XRCC4: variants seen among roughly 807,000 people sequenced by gnomAD.
XRCC4 encodes X-ray repair cross complementing 4, also known as DNA repair protein XRCC4.
A neutral mutation model predicts 39.1 loss-of-function variants in XRCC4; 28 were observed. The ratio of observed to expected loss-of-function variants is 0.72; its 90% confidence interval spans 0.53 to 0.98. The LOEUF (loss-of-function observed/expected upper bound fraction) is 0.98, where lower values mean the gene tolerates loss of function less well. XRCC4 is among the 50% of genes least tolerant of loss of function. The pLI is 0.00. For missense variants in XRCC4, 350 were observed against 376.4 expected (o/e 0.93, Z 0.58); for synonymous variants, 123 against 126.4 (o/e 0.97, Z 0.18).
At chr5:83,354,228 C>T (rs1474014193), downstream of XRCC4, among the ~76,000 whole-genome samples, 2 of 152,198 alleles carry the variant, frequency 1.3e-5, no homozygotes, top group Non-Finnish European at 2.9e-5. Flanking sequence ...TTTGCAATAG[C>T]ATATGCTCTT....
intron 1 of XRCC4, among the ~76,000 whole-genome samples, chr5:83,085,748 T>C (rs945717994): frequency 6.6e-6 from 1 of 152,202 alleles, no homozygotes; most frequent in African/African-American, 2.4e-5. Context: ...TATACTCTGA[T>C]AACTTCTTAA....
Position 83,126,454 on chromosome 5 carries a change from T to C in XRCC4, c.315+15251T>C, listed in dbSNP as rs73142158. ...TTTGCTTTTAAGATTCTTTGAGAAT[T>C]TTTTCTGTAAACAGTGATGTTATCT... On this transcript the variant is annotated intron_variant, in intron 3 of 7. Coordinates refer to ENST00000396027, the MANE Select transcript of XRCC4 (RefSeq NM_003401.5). 8.4e-3 allele frequency among the ~76,000 whole-genome samples: 1,283 copies of C among 152,268 alleles called. 17 individuals carry two copies. The highest frequency in any genetic ancestry group is 0.03 in the African/African-American group (1,234 of 41,542).
chr5:83,350,700 TC>T (rs1338455593), intron 7 of XRCC4, among the ~76,000 whole-genome samples: 3 of 152,190 alleles, frequency 2.0e-5, no homozygotes, highest in African/African-American at 7.2e-5. Context: ...GGATATTTTC[TC>T]CTATTCTGTA....
At chr5:83,323,827 G>T (rs1052880105) in intron 7 of XRCC4, among the ~76,000 whole-genome samples, 4 of 152,006 alleles carry the variant, frequency 2.6e-5, no homozygotes, top group Non-Finnish European at 4.4e-5. Context: ...AGAGAGAATG[G>T]TAAAGAAAAG....
intron 7 of XRCC4, among the ~76,000 whole-genome samples, chr5:83,278,435 A>G (rs1754411333): frequency 1.3e-5 from 2 of 152,154 alleles, no homozygotes; most frequent in Admixed American, 6.5e-5. Context: ...ATTTATAGAT[A>G]ATAGAAATTT....
rs754386080 is a variant in XRCC4, at chr5:83,162,952, CT to C, written c.316-32806del. On this transcript the variant is annotated intron_variant, in intron 3 of 7. Coordinates refer to ENST00000396027, the MANE Select transcript of XRCC4 (RefSeq NM_003401.5). ...TTTTTTTCTTTTTCTTTCTTTCTTTCTTTTTTTTTTTTGAGACAGAAGAGTC... is the reference window on the plus strand; with the variant it reads ...TTTTTTTCTTTTTCTTTCTTTCTTTCTTTTTTTTTTTGAGACAGAAGAGTC... Among the ~76,000 whole-genome samples, 227 of 125,156 alleles carry C rather than the reference CT, an allele frequency of 1.8e-3. 1 individual carries two copies. The East Asian group carries it at 0.04, about 22-fold the overall frequency. 82.1% of individuals were successfully genotyped at this position (125,156 alleles called of 152,430 possible).
chr5:83,189,962 G>A (rs146473445), intron 3 of XRCC4, among the ~76,000 whole-genome samples: 2,745 of 152,290 alleles, frequency 0.018, 78 homozygotes, highest in African/African-American at 0.063. Flanking sequence ...TACGTGGGAT[G>A]CTGAGGCAGG....
intron 6 of XRCC4, among the ~76,000 whole-genome samples, chr5:83,212,681 G>T (rs551259148): frequency 6.6e-6 from 1 of 151,584 alleles, no homozygotes; most frequent in Non-Finnish European, 1.5e-5. Context: ...TAATCCTAGC[G>T]CTTTGGGAGG....
At chr5:83,316,512 A>G (rs1580503919) in intron 7 of XRCC4, among the ~76,000 whole-genome samples, 1 of 151,038 alleles carries the variant, frequency 6.6e-6, no homozygotes, top group East Asian at 2.0e-4. Context: ...AGAAAGATCT[A>G]CCAAGCCAAT....
the XRCC4 span, among the ~76,000 whole-genome samples, chr5:83,368,691 A>G: frequency 2.5e-4 from 38 of 152,190 alleles, no homozygotes; most frequent in African/African-American, 3.6e-4. Context: ...AGATCCTACG[A>G]TAGTCCTTAA....
chr5:83,336,468 A>G (rs1274631135), intron 7 of XRCC4, among the ~76,000 whole-genome samples: 7 of 152,082 alleles, frequency 4.6e-5, no homozygotes, highest in Non-Finnish European at 1.5e-5. Context: ...ATTGAGGGTA[A>G]TAATTTCCTA....
chr5:83,096,127 A>G (rs774101803), intron 1 of XRCC4, among the ~76,000 whole-genome samples: 3 of 151,874 alleles, frequency 2.0e-5, no homozygotes, highest in African/African-American at 7.3e-5. Context: ...ACTCAGATAT[A>G]TGAGTCTCCC....
At chr5:83,098,324 A>G (rs990231985) in intron 1 of XRCC4, among the ~76,000 whole-genome samples, 3 of 152,156 alleles carry the variant, frequency 2.0e-5, no homozygotes, top group Non-Finnish European at 4.4e-5. Context: ...AGATTATGTT[A>G]GCAGTTATAA....
At chr5:83,197,300 G>A (rs1008807015) in intron 4 of XRCC4, among the ~76,000 whole-genome samples, 1 of 152,010 alleles carries the variant, frequency 6.6e-6, no homozygotes, top group Non-Finnish European at 1.5e-5. Context: ...TCTGTAGCTT[G>A]GGTGTATTTT....
chr5:83,346,693 G>A (rs1756927192), intron 7 of XRCC4, among the ~76,000 whole-genome samples: 2 of 152,056 alleles, frequency 1.3e-5, no homozygotes, highest in Admixed American at 6.6e-5. Context: ...GTACAGTATT[G>A]ATTAAATAAA....
intron 6 of XRCC4, among the ~76,000 whole-genome samples, chr5:83,234,163 T>G (rs1390224919): frequency 1.3e-5 from 2 of 152,180 alleles, no homozygotes; most frequent in African/African-American, 4.8e-5. Context: ...GCCTACCTTT[T>G]GCTTTATAAT....
At chr5:83,243,826 G>A (rs1753002214) in intron 6 of XRCC4, among the ~76,000 whole-genome samples, 1 of 152,132 alleles carries the variant, frequency 6.6e-6, no homozygotes, top group African/African-American at 2.4e-5. Flanking sequence ...AGAAGGGAAG[G>A]ACAAAACAGG....
intron 1 of XRCC4, among the ~76,000 whole-genome samples, chr5:83,078,360 CTT>C (rs376720279): frequency 1.3e-5 from 2 of 152,344 alleles, no homozygotes; most frequent in African/African-American, 2.4e-5. Context: ...GTTTTTCACT[CTT>C]TGCCCCCTTA....
chr5:83,077,941 A>AG (rs1330023867), intron 1 of XRCC4: 1 of 153,272 alleles, frequency 6.5e-6, no homozygotes, highest in Non-Finnish European at 1.5e-5. Flanking sequence ...TTGAATCCAG[A>AG]GGGTAGTGTT....
Sources: allele counts gnomAD v4.1 joint callset (sites outside exome capture counted in the v4.1 genomes callset), GRCh38; gene constraint gnomAD v4.1.1; transcripts MANE v1.5; gene names NCBI Gene and HGNC (gene_info 2026-07-23, HGNC 2026-07-21).